The following ARRDC3 variants were observed in gnomAD, a reference collection of about 807,000 sequenced individuals.
ARRDC3 encodes the protein arrestin domain-containing protein 3.
Under a neutral mutation model 47.2 loss-of-function variants are expected in ARRDC3, and 10 were observed. The observed-to-expected ratio is 0.21, with a 90% CI of 0.13 to 0.36. The LOEUF is 0.36. Ranked by LOEUF, ARRDC3 falls within the 10% of genes least tolerant of loss-of-function variation. The probability of loss-of-function intolerance (pLI) is 1.00; values close to 1 mark genes in which losing one functional copy is unlikely to be tolerated. For synonymous variants in ARRDC3, 156 were observed against 178.3 expected (o/e 0.87, Z 1.00); for missense variants, 381 against 503.6 (o/e 0.76, Z 2.33).
At chr5:91,381,296 G>A (rs1283721927) in intron 1 of ARRDC3, among the ~76,000 whole-genome samples, 2 of 152,112 alleles carry the variant, frequency 1.3e-5, no homozygotes, top group Non-Finnish European at 2.9e-5. Flanking sequence ...CTCACATCTC[G>A]TTGTTCTACT....
At chr5:91,380,157 G>C (rs1337581165) in intron 1 of ARRDC3, 2 of 153,374 alleles carry the variant, frequency 1.3e-5, no homozygotes, top group African/African-American at 4.8e-5. Context: ...GAACTAGACC[G>C]GAGCAGGAGA....
At position 91,383,129 on chromosome 5, in the gene ARRDC3, A is replaced by G. The variant is rs752413084; in HGVS notation, c.-37T>C. 15 of 1,531,526 alleles carry G rather than the reference A, an allele frequency of 9.8e-6. No homozygotes were observed. In the South Asian group the frequency reaches 1.9e-4, roughly 19 times the overall value. 94.9% of individuals were successfully genotyped at this position (1,531,526 alleles called of 1,614,324 possible). ...AATCTATAAAAATATAATGTAAGACAAAAAAGTCAAGATCGCATATAAAAT... is the reference window on the plus strand; with the variant it reads ...AATCTATAAAAATATAATGTAAGACGAAAAAGTCAAGATCGCATATAAAAT... On this transcript the variant is annotated 5_prime_UTR_variant, in exon 1 of 8. Coordinates refer to ENST00000265138, the MANE Select transcript of ARRDC3 (RefSeq NM_020801.4).
rs576076431 is a variant in ARRDC3 at position 91,370,656 on chromosome 5, T to C, written c.*744A>G. The C allele has an allele frequency of 1.3e-5, 2 of 152,622 alleles. No homozygotes were observed. The highest frequency in any genetic ancestry group is 2.9e-5 in the Non-Finnish European group (2 of 68,036). 9.5% of individuals were successfully genotyped at this position (152,622 alleles called of 1,614,324 possible). A position where few individuals can be genotyped will look rare whatever the true frequency, so the allele number is the denominator to read the frequency against. On this transcript the variant is annotated 3_prime_UTR_variant, in exon 8 of 8. Coordinates refer to ENST00000265138, the MANE Select transcript of ARRDC3 (RefSeq NM_020801.4). ...ATTCTTAAAAGAAACCAAGAAGGTA[T>C]ACAATCTTGACAGTCTCTTATTAGC... is the stretch of plus-strand genomic sequence containing the variant.
chr5:91,378,564 C>T, intron 2 of ARRDC3, 130 bp downstream of exon 2: 1 of 600,760 alleles, frequency 1.7e-6, no homozygotes, highest in Non-Finnish European at 2.9e-6. Flanking sequence ...TATTGTTTTC[C>T]TCTAGCAAGT....
In ARRDC3 at chr5:91,373,838, G is replaced by A; in HGVS notation, c.1034C>T (p.Ala345Val). ...TACCACTTCTGCATAGCTGGGTGGTGCTGAAGGAAAAAGATACACGCAATT... is the reference window on the plus strand; with the variant it reads ...TACCACTTCTGCATAGCTGGGTGGTACTGAAGGAAAAAGATACACGCAATT... ...LSLSLPERPE[A>V]PPSYAEVVTE... Residue 345 changes from alanine to valine, a missense_variant and splice_region_variant, in exon 7 of 8, where the codon GCA becomes GTA. Coordinates refer to ENST00000265138, the MANE Select transcript of ARRDC3 (RefSeq NM_020801.4). The A allele has an allele frequency of 6.2e-7, 1 of 1,613,892 alleles. No homozygotes were observed. Among genetic ancestry groups the A allele is most frequent in the Non-Finnish European group, 8.5e-7 (1 of 1,179,840 alleles).
Position 91,383,148 on chromosome 5 carries a change from A to T in ARRDC3, c.-56T>A. The T allele has an allele frequency of 6.9e-7, 1 of 1,451,554 alleles. No homozygotes were observed. The highest frequency in any genetic ancestry group is 9.3e-7 in the Non-Finnish European group (1 of 1,076,084). 89.9% of individuals were successfully genotyped at this position (1,451,554 alleles called of 1,614,324 possible). A position where few individuals can be genotyped will look rare whatever the true frequency, so the allele number is the denominator to read the frequency against. ...TAAGACAAAAAAGTCAAGATCGCAT[A>T]TAAAATGTGATCTTCACTTAACACT... On this transcript the variant is annotated 5_prime_UTR_variant, in exon 1 of 8. Transcript: ENST00000265138.
rs1317884688 is a variant in ARRDC3 at position 91,371,455 on chromosome 5, A to G, written c.1190T>C (p.Ile397Thr). Reference sequence around the variant, plus strand: ...TGCTGACTGATCAGGATTTGGATCAATCTAGAAAGAAATGAGAAAAAAAGT... The same window carrying G: ...TGCTGACTGATCAGGATTTGGATCAGTCTAGAAAGAAATGAGAAAAAAAGT... ...RFLPPPLYSEIDPNPDQSADD... is the reference protein window; with the variant it reads ...RFLPPPLYSETDPNPDQSADD... The change falls in exon 8 of 8, where the codon ATT becomes ACT. Residue 397 changes from isoleucine to threonine, a missense_variant and splice_region_variant. Ile to Thr is a moderately conservative substitution (Grantham distance 89). Coordinates refer to ENST00000265138, the MANE Select transcript of ARRDC3 (RefSeq NM_020801.4). 2 of 1,612,426 alleles carry G rather than the reference A, an allele frequency of 1.2e-6. No individual in the cohort carries two copies. Among genetic ancestry groups the G allele is most frequent in the Non-Finnish European group, 8.5e-7 (1 of 1,179,052 alleles).
intron 2 of ARRDC3, among the ~76,000 whole-genome samples, chr5:91,377,436 AGATTTTACTTGTG>A (rs1255155473): frequency 4.6e-5 from 7 of 152,100 alleles, no homozygotes; most frequent in Non-Finnish European, 7.4e-5. Context: ...TAACTCTGTC[AGATTTTACTTGTG>A]GAAGGTTTTA....
At chr5:91,373,912 T>G in intron 6 of ARRDC3, 74 bp from the exon 7 acceptor site, 1 of 1,578,218 alleles carries the variant, frequency 6.3e-7, no homozygotes, top group Non-Finnish European at 8.7e-7. Flanking sequence ...TAGTAGGTAT[T>G]AAAAAGCAAC....
At position 91,383,021 on chromosome 5, in the gene ARRDC3, A is replaced by G; in HGVS notation, c.72T>C (p.Tyr24=). The G allele has an allele frequency of 6.2e-7, 1 of 1,614,070 alleles. No homozygotes were observed. Among genetic ancestry groups the G allele is most frequent in the South Asian group, 1.1e-5 (1 of 91,078 alleles). ...DCLNDSNVPV[Y]SSGDTVSGRV... ...TTCCTGAGACGGTATCCCCACTAGAATACACAGGGACATTGCTGTCATTAA... is the reference window on the plus strand; with the variant it reads ...TTCCTGAGACGGTATCCCCACTAGAGTACACAGGGACATTGCTGTCATTAA... Residue 24 remains tyrosine (Y), a synonymous_variant, in exon 1 of 8, where the codon TAT becomes TAC. Transcript: ENST00000265138.
chr5:91,377,651 G>A (rs2127072646), intron 2 of ARRDC3, among the ~76,000 whole-genome samples: 1 of 150,772 alleles, frequency 6.6e-6, no homozygotes, highest in South Asian at 2.1e-4. Flanking sequence ...TATGCTAATA[G>A]TTATCCAAAA....
At chr5:91,378,563 C>T in intron 2 of ARRDC3, 131 bp downstream of exon 2, 2 of 599,896 alleles carry the variant, frequency 3.3e-6, no homozygotes, top group Non-Finnish European at 5.7e-6. Flanking sequence ...ATATTGTTTT[C>T]CTCTAGCAAG....
Position 91,371,134 on chromosome 5 carries a change from C to T in ARRDC3, c.*266G>A, listed in dbSNP as rs944776732. The T allele has an allele frequency of 2.9e-5, 12 of 409,706 alleles. No homozygotes were observed. The highest frequency in any genetic ancestry group is 5.2e-5 in the Non-Finnish European group (12 of 229,602). The allele number at this position is 409,706 out of a possible 1,614,324, so 25.4% of individuals were successfully genotyped here. On this transcript the variant is annotated 3_prime_UTR_variant, in exon 8 of 8. Coordinates refer to ENST00000265138, the MANE Select transcript of ARRDC3 (RefSeq NM_020801.4). ...CTCTTTACAACGTGATGTCTTGACA[C>T]GTACGACCATAGGCTAAGAAGACTG...
chr5:91,378,079 C>A (rs1799347667), intron 2 of ARRDC3, among the ~76,000 whole-genome samples: 1 of 152,014 alleles, frequency 6.6e-6, no homozygotes, highest in African/African-American at 2.4e-5. Flanking sequence ...ATACCACTTT[C>A]CTTTTTCCTT....
At chr5:91,375,753 C>T in intron 3 of ARRDC3, 140 bp from the exon 4 acceptor site, 2 of 472,014 alleles carry the variant, frequency 4.2e-6, no homozygotes, top group Non-Finnish European at 7.3e-6. Context: ...TCCAGACATA[C>T]TTCTTATTTT....
chr5:91,381,915 A>G (rs561024194), intron 1 of ARRDC3, among the ~76,000 whole-genome samples: 1 of 152,322 alleles, frequency 6.6e-6, no homozygotes, highest in East Asian at 1.9e-4. Context: ...CAAAGGGTGG[A>G]AACTTAGAAA....
intron 7 of ARRDC3, among the ~76,000 whole-genome samples, chr5:91,373,214 G>C (rs1799219351): frequency 6.6e-6 from 1 of 152,148 alleles, no homozygotes; most frequent in Admixed American, 6.5e-5. Context: ...TGAGATGAAC[G>C]AAAATAGTCT....
At position 91,373,796 on chromosome 5, in the gene ARRDC3, C is replaced by T. The variant is rs142084312; in HGVS notation, c.1076G>A (p.Arg359Gln). The change falls in exon 7 of 8, where the codon CGG becomes CAG. Residue 359 changes from arginine to glutamine, a missense_variant. Arg to Gln is a conservative substitution (Grantham distance 43, BLOSUM62 1). Coordinates refer to ENST00000265138, the MANE Select transcript of ARRDC3 (RefSeq NM_020801.4). ...AGCACTCACTGGTGCAAGATTGTTCCGCCTTTGTTCCTCTGTTACCACTTC... is the reference window on the plus strand; with the variant it reads ...AGCACTCACTGGTGCAAGATTGTTCTGCCTTTGTTCCTCTGTTACCACTTC... ...YAEVVTEEQR[R>Q]NNLAPVSACD... 63 of 1,613,948 alleles carry T rather than the reference C, an allele frequency of 3.9e-5. No individual in the cohort carries two copies. The highest frequency in any genetic ancestry group is 4.4e-5 in the Non-Finnish European group (52 of 1,179,962).
chr5:91,371,331 C>T lies in ARRDC3; in HGVS notation c.*69G>A, dbSNP rs552204621. On this transcript the variant is annotated 3_prime_UTR_variant, in exon 8 of 8. Transcript: ENST00000265138. ...TCCTCTGAAACGTGTCTCCAAGATACTTCTCTGTCCTCAGCCGGAAGAGAT... is the reference window on the plus strand; with the variant it reads ...TCCTCTGAAACGTGTCTCCAAGATATTTCTCTGTCCTCAGCCGGAAGAGAT... The T allele has an allele frequency of 2.9e-6, 4 of 1,387,052 alleles. No individual in the cohort carries two copies. Among genetic ancestry groups the T allele is most frequent in the Non-Finnish European group, 3.0e-6 (3 of 988,966 alleles). 85.9% of individuals were successfully genotyped at this position (1,387,052 alleles called of 1,614,324 possible).
Sources: gnomAD v4.1 joint callset for allele counts (sites outside exome capture counted in the v4.1 genomes callset) on GRCh38, gnomAD v4.1.1 for gene constraint, MANE v1.5 for transcripts, NCBI Gene and HGNC (gene_info 2026-07-23, HGNC 2026-07-21) for gene names.